ERP44: variants seen among roughly 807,000 people sequenced by gnomAD.
ERP44 encodes endoplasmic reticulum protein 44, also known as endoplasmic reticulum resident protein 44.
ERP44 carries 25 observed loss-of-function variants against 53.4 expected under a neutral mutation model. The observed-to-expected ratio is 0.47, with a 90% CI of 0.34 to 0.65. The LOEUF is 0.65. ERP44 is among the 30% of genes least tolerant of loss of function. ERP44 has a pLI of 0.01. For synonymous variants in ERP44, 145 were observed against 161.2 expected (o/e 0.90, Z 0.76); for missense variants, 338 against 493.2 (o/e 0.69, Z 2.98).
At chr9:99,984,364 A>T (rs959903984) in intron 11 of ERP44, among the ~76,000 whole-genome samples, 3 of 152,140 alleles carry the variant, frequency 2.0e-5, no homozygotes, top group Admixed American at 1.3e-4. Flanking sequence ...AGGAACATAG[A>T]AATTACTTGT....
At chr9:100,091,871 G>C (rs1422676877) in intron 1 of ERP44, among the ~76,000 whole-genome samples, 1 of 152,148 alleles carries the variant, frequency 6.6e-6, no homozygotes, top group East Asian at 1.9e-4. Flanking sequence ...GCTGATGCCT[G>C]GGCTCACAAT....
At chr9:100,096,985 C>A (rs968819118) in intron 1 of ERP44, among the ~76,000 whole-genome samples, 1 of 152,154 alleles carries the variant, frequency 6.6e-6, no homozygotes, top group Admixed American at 6.5e-5. Context: ...TAGGTAAACA[C>A]TGTATTCCAA....
At chr9:100,000,661 C>T (rs973171684) in intron 10 of ERP44, among the ~76,000 whole-genome samples, 1 of 152,048 alleles carries the variant, frequency 6.6e-6, no homozygotes, top group Admixed American at 6.5e-5. Context: ...AATTTGTTGA[C>T]ATAATTATTC....
Position 99,982,838 on chromosome 9 carries a change from C to T in ERP44, c.1120-125G>A, listed in dbSNP as rs567826549. On this transcript the variant is annotated intron_variant, in intron 11 of 11. Coordinates refer to ENST00000262455, the MANE Select transcript of ERP44 (RefSeq NM_015051.3). Reference sequence around the variant, plus strand: ...TTTGCTTATTAATCAATAAAAGCAACTGTGTGCCAAAGCAAGATATTTAAA... The same window carrying T: ...TTTGCTTATTAATCAATAAAAGCAATTGTGTGCCAAAGCAAGATATTTAAA... The T allele has an allele frequency of 1.7e-5, 8 of 472,886 alleles. No individual in the cohort carries two copies. In the East Asian group the frequency reaches 2.8e-4, roughly 17 times the overall value. The allele number at this position is 472,886 out of a possible 1,614,324, so 29.3% of individuals were successfully genotyped here.
intron 1 of ERP44, among the ~76,000 whole-genome samples, chr9:100,095,181 T>G (rs1034146117): frequency 1.3e-5 from 2 of 152,122 alleles, no homozygotes; most frequent in Non-Finnish European, 2.9e-5. Context: ...TATATGCAGC[T>G]GGTGGTTAGG....
intron 10 of ERP44, among the ~76,000 whole-genome samples, chr9:99,989,251 G>A (rs143645312): frequency 0.021 from 3,190 of 152,284 alleles, 98 homozygotes; most frequent in African/African-American, 0.072. Flanking sequence ...CCTGACCCCC[G>A]TGTAGCCTAA....
chr9:100,027,343 A>T (rs550746732), intron 4 of ERP44, among the ~76,000 whole-genome samples: 1 of 152,246 alleles, frequency 6.6e-6, no homozygotes, highest in East Asian at 1.9e-4. Context: ...CTCAAACAAC[A>T]TCCTGGCAGC....
At chr9:100,096,234 A>G (rs997761537) in intron 1 of ERP44, among the ~76,000 whole-genome samples, 7 of 152,086 alleles carry the variant, frequency 4.6e-5, no homozygotes, top group African/African-American at 1.4e-4. Flanking sequence ...CTTGTACACA[A>G]CCAGTGCAGG....
At chr9:100,068,343 C>G (rs1399653677) in intron 1 of ERP44, among the ~76,000 whole-genome samples, 1 of 134,292 alleles carries the variant, frequency 7.4e-6, no homozygotes, top group Non-Finnish European at 1.6e-5. Context: ...GGGGGGTCAG[C>G]CCCCCGCCCG....
chr9:100,012,096 G>T (rs1401561674), intron 8 of ERP44, among the ~76,000 whole-genome samples: 2 of 151,926 alleles, frequency 1.3e-5, no homozygotes, highest in African/African-American at 4.8e-5. Context: ...AGGAACAAAA[G>T]AAACTAGAAA....
At chr9:100,019,442 T>G (rs1025736481) in intron 6 of ERP44, among the ~76,000 whole-genome samples, 20 of 152,050 alleles carry the variant, frequency 1.3e-4, no homozygotes, top group Admixed American at 3.9e-4. Flanking sequence ...ACAAAAGCAT[T>G]AAAGCAAGGA....
At chr9:100,070,569 C>T (rs1826289179) in intron 1 of ERP44, among the ~76,000 whole-genome samples, 1 of 152,208 alleles carries the variant, frequency 6.6e-6, no homozygotes, top group South Asian at 2.1e-4. Flanking sequence ...AATGTATCCA[C>T]ACTGTTACTG....
chr9:100,004,297 A>G (rs1438334025), intron 10 of ERP44, among the ~76,000 whole-genome samples: 1 of 152,062 alleles, frequency 6.6e-6, no homozygotes, highest in Non-Finnish European at 1.5e-5. Flanking sequence ...ATAAGCCTGA[A>G]CCCTGGGTCT....
chr9:100,047,558 T>A (rs1284280712), intron 4 of ERP44, among the ~76,000 whole-genome samples: 1 of 151,972 alleles, frequency 6.6e-6, no homozygotes, highest in East Asian at 1.9e-4. Flanking sequence ...ACACAAAAAT[T>A]AACTCAAAAT....
At chr9:100,012,676 T>C (rs1267744295) in intron 8 of ERP44, among the ~76,000 whole-genome samples, 1 of 152,194 alleles carries the variant, frequency 6.6e-6, no homozygotes, top group Non-Finnish European at 1.5e-5. Flanking sequence ...CTTATTTTTA[T>C]GTACTAAAAT....
chr9:100,090,643 G>A (rs1826543344), intron 1 of ERP44, among the ~76,000 whole-genome samples: 1 of 152,002 alleles, frequency 6.6e-6, no homozygotes, highest in African/African-American at 2.4e-5. Flanking sequence ...CAGCTACCTG[G>A]GAGGCTGAGG....
chr9:100,017,316 G>A (rs1029000182), intron 7 of ERP44, among the ~76,000 whole-genome samples: 12 of 152,096 alleles, frequency 7.9e-5, no homozygotes, highest in East Asian at 7.7e-4. Context: ...AAACTGAAGC[G>A]CGGGGAAGCG....
chr9:100,094,855 C>A (rs1297686824), intron 1 of ERP44, among the ~76,000 whole-genome samples: 1 of 151,144 alleles, frequency 6.6e-6, no homozygotes, highest in East Asian at 1.9e-4. Flanking sequence ...TCCCAGAGTC[C>A]CAGCTATTCA....
chr9:100,048,894 G>A (rs1209370069), intron 4 of ERP44, among the ~76,000 whole-genome samples: 1 of 152,148 alleles, frequency 6.6e-6, no homozygotes, highest in Non-Finnish European at 1.5e-5. Flanking sequence ...GTTGTTTAAC[G>A]GGTGTAGAGC....
Sources: gnomAD v4.1 joint callset for allele counts (sites outside exome capture counted in the v4.1 genomes callset) on GRCh38, gnomAD v4.1.1 for gene constraint, MANE v1.5 for transcripts, NCBI Gene and HGNC (gene_info 2026-07-23, HGNC 2026-07-21) for gene names.